TEAD1: variants seen among roughly 807,000 people sequenced by gnomAD.
TEAD1 encodes the protein transcriptional enhancer factor TEF-1.
In TEAD1, 9 loss-of-function variants were observed where a neutral mutation model predicts 54.9. That is an observed-to-expected ratio of 0.16 (90% CI 0.10 to 0.29). The LOEUF (loss-of-function observed/expected upper bound fraction) is 0.29, where lower values mean the gene tolerates loss of function less well. Among genes scored for constraint, TEAD1 ranks in the 10% least tolerant of loss-of-function variants. The pLI, the probability that TEAD1 is intolerant of heterozygous loss-of-function variation, is 1.00. For missense variants in TEAD1, 387 were observed against 535.9 expected (o/e 0.72, Z 2.74); for synonymous variants, 200 against 187.8 (o/e 1.07, Z -0.53).
At chr11:12,788,378 C>T (rs1319077895) in intron 3 of TEAD1, among the ~76,000 whole-genome samples, 7 of 152,102 alleles carry the variant, frequency 4.6e-5, no homozygotes, top group South Asian at 2.1e-4. Context: ...GTGATCCGCC[C>T]GCCTCGGCCT....
chr11:12,864,960 T>C, intron 5 of TEAD1, 60 bp downstream of exon 5: 2 of 1,568,360 alleles, frequency 1.3e-6, no homozygotes, highest in South Asian at 1.1e-5. Flanking sequence ...CTGTTTTCCA[T>C]GGTGACTGGT....
At chr11:12,717,110 C>A (rs2133860132) in intron 2 of TEAD1, among the ~76,000 whole-genome samples, 1 of 152,324 alleles carries the variant, frequency 6.6e-6, no homozygotes, top group African/African-American at 2.4e-5. Flanking sequence ...ACAGTCAAGT[C>A]TGGCCATGGA....
intron 3 of TEAD1, among the ~76,000 whole-genome samples, chr11:12,855,679 C>G (rs996958347): frequency 1.3e-5 from 2 of 151,830 alleles, no homozygotes; most frequent in South Asian, 4.2e-4. Flanking sequence ...CACAGTAGTT[C>G]ACGCCTGTAA....
chr11:12,885,327 C>A (rs1225017931), intron 9 of TEAD1, among the ~76,000 whole-genome samples: 1 of 151,606 alleles, frequency 6.6e-6, no homozygotes, highest in Non-Finnish European at 1.5e-5. Context: ...GCTCTGCCTC[C>A]CGGGTTCACG....
intron 2 of TEAD1, among the ~76,000 whole-genome samples, chr11:12,691,463 T>G (rs1228075516): frequency 6.6e-6 from 1 of 152,184 alleles, no homozygotes; most frequent in Non-Finnish European, 1.5e-5. Flanking sequence ...AGTTGAATAA[T>G]CTGCTCACCT....
intron 2 of TEAD1, among the ~76,000 whole-genome samples, chr11:12,692,035 C>T (rs1943468313): frequency 6.6e-6 from 1 of 152,134 alleles, no homozygotes; most frequent in African/African-American, 2.4e-5. Flanking sequence ...CATTGGATCC[C>T]TAGTTGTAAC....
At chr11:12,732,047 A>T (rs1046175326) in intron 2 of TEAD1, among the ~76,000 whole-genome samples, 1 of 151,828 alleles carries the variant, frequency 6.6e-6, no homozygotes, top group Non-Finnish European at 1.5e-5. Context: ...TAAGTCTCTC[A>T]TATGATCTTC....
intron 3 of TEAD1, among the ~76,000 whole-genome samples, chr11:12,840,270 A>AAAAAAAAAAAC (rs1175064315): frequency 1.3e-5 from 2 of 148,312 alleles, no homozygotes; most frequent in African/African-American, 5.0e-5. Flanking sequence ...AAAGAAAAAA[A>AAAAAAAAAAAC]AAAGACCAGA....
At chr11:12,689,298 C>T (rs1205339530) in intron 2 of TEAD1, among the ~76,000 whole-genome samples, 2 of 152,196 alleles carry the variant, frequency 1.3e-5, no homozygotes, top group Admixed American at 6.5e-5. Context: ...TTATAGAGTT[C>T]CCAGCACTCT....
At chr11:12,883,747 C>T (rs1006332664) in intron 9 of TEAD1, among the ~76,000 whole-genome samples, 7 of 152,098 alleles carry the variant, frequency 4.6e-5, no homozygotes, top group Admixed American at 1.3e-4. Context: ...GGCATGGTGG[C>T]TCACGCCTGT....
At chr11:12,739,222 G>GTCTA (rs71037086) in intron 2 of TEAD1, among the ~76,000 whole-genome samples, 3,496 of 115,058 alleles carry the variant, frequency 0.03, 57 homozygotes, top group Non-Finnish European at 0.047. Flanking sequence ...CTATCTATCT[G>GTCTA]TCTATCTATC....
Position 12,940,370 on chromosome 11 carries a change from C to G in TEAD1, c.*3148C>G, listed in dbSNP as rs1949149789. 6.6e-6 allele frequency: 1 copy of G among 152,228 alleles called. No homozygotes were observed. Among genetic ancestry groups the G allele is most frequent in the African/African-American group, 2.4e-5 (1 of 41,460 alleles). The allele number at this position is 152,228 out of a possible 1,614,324, so 9.4% of individuals were successfully genotyped here. A position where few individuals can be genotyped will look rare whatever the true frequency, so the allele number is the denominator to read the frequency against. ...AGCACCTATTCCCCACCCAGCGTGTCTCCAGATATTGTCAAATATCCCATC... is the reference window on the plus strand; with the variant it reads ...AGCACCTATTCCCCACCCAGCGTGTGTCCAGATATTGTCAAATATCCCATC... On this transcript the variant is annotated 3_prime_UTR_variant, in exon 13 of 13. Transcript: ENST00000527636.
intron 4 of TEAD1, among the ~76,000 whole-genome samples, chr11:12,862,783 G>A (rs1226477413): frequency 1.3e-5 from 2 of 152,228 alleles, no homozygotes; most frequent in Non-Finnish European, 2.9e-5. Flanking sequence ...GCTAAATGAT[G>A]TGCGTCCAGG....
intron 9 of TEAD1, among the ~76,000 whole-genome samples, chr11:12,896,248 G>C (rs1055608637): frequency 6.6e-6 from 1 of 152,168 alleles, no homozygotes. Context: ...CAGATGGTGA[G>C]ATATAAATCA....
chr11:12,776,408 C>T (rs1001125370), intron 3 of TEAD1, among the ~76,000 whole-genome samples: 11 of 151,970 alleles, frequency 7.2e-5, no homozygotes, highest in Non-Finnish European at 1.3e-4. Context: ...TGGTTTATTC[C>T]TAGAGGGTTG....
intron 2 of TEAD1, among the ~76,000 whole-genome samples, chr11:12,712,851 A>G (rs903785493): frequency 2.0e-5 from 3 of 152,162 alleles, no homozygotes; most frequent in Admixed American, 6.5e-5. Context: ...TTCATTAGGG[A>G]TAAGTGAGTC....
intron 2 of TEAD1, among the ~76,000 whole-genome samples, chr11:12,676,164 A>G (rs992549589): frequency 6.6e-6 from 1 of 152,260 alleles, no homozygotes; most frequent in Admixed American, 6.5e-5. Context: ...GTAAAAAGAA[A>G]TACTAAAAAC....
intron 10 of TEAD1, among the ~76,000 whole-genome samples, chr11:12,920,427 C>T (rs1164122286): frequency 6.6e-6 from 1 of 152,122 alleles, no homozygotes; most frequent in Non-Finnish European, 1.5e-5. Flanking sequence ...CCCAGTGACC[C>T]ACCTGCCCCC....
intron 3 of TEAD1, among the ~76,000 whole-genome samples, chr11:12,845,058 T>C (rs1432319769): frequency 2.1e-5 from 3 of 141,144 alleles, no homozygotes; most frequent in Non-Finnish European, 3.0e-5. Context: ...CTCTGCCTCC[T>C]GGATTCAAGC....
Sources: gnomAD v4.1 joint callset for allele counts (sites outside exome capture counted in the v4.1 genomes callset) on GRCh38, gnomAD v4.1.1 for gene constraint, MANE v1.5 for transcripts, NCBI Gene and HGNC (gene_info 2026-07-23, HGNC 2026-07-21) for gene names.